JAKMIP2: variants seen among roughly 807,000 people sequenced by gnomAD.
JAKMIP2 encodes janus kinase and microtubule-interacting protein 2.
Under a neutral mutation model 115.0 loss-of-function variants are expected in JAKMIP2, and 25 were observed. That is an observed-to-expected ratio of 0.22 (90% CI 0.16 to 0.30). JAKMIP2 has a LOEUF of 0.30. Ranked by LOEUF, JAKMIP2 falls within the 10% of genes least tolerant of loss-of-function variation. The pLI is 1.00. For missense variants in JAKMIP2, 642 were observed against 957.6 expected (o/e 0.67, Z 4.35); for synonymous variants, 334 against 343.6 (o/e 0.97, Z 0.31).
chr5:147,708,500 A>G (rs537091704), intron 1 of JAKMIP2, among the ~76,000 whole-genome samples: 1 of 152,328 alleles, frequency 6.6e-6, no homozygotes, highest in Non-Finnish European at 1.5e-5. Context: ...TTGGAATTAT[A>G]ATTACCAACA....
chr5:147,609,933 T>C (rs1199855372), intron 20 of JAKMIP2, among the ~76,000 whole-genome samples: 1 of 152,226 alleles, frequency 6.6e-6, no homozygotes, highest in Non-Finnish European at 1.5e-5. Context: ...TTTCATTAAG[T>C]TGATCAATCT....
intron 1 of JAKMIP2, among the ~76,000 whole-genome samples, chr5:147,685,550 C>T (rs1297612437): frequency 6.6e-6 from 1 of 152,172 alleles, no homozygotes; most frequent in African/African-American, 2.4e-5. Context: ...ATAAGCCCAA[C>T]TGTACCAGAA....
At chr5:147,666,781 G>A (rs1339536923) in intron 2 of JAKMIP2, among the ~76,000 whole-genome samples, 1 of 152,148 alleles carries the variant, frequency 6.6e-6, no homozygotes, top group Non-Finnish European at 1.5e-5. Flanking sequence ...TCTGAAAACT[G>A]GGATTGTCGA....
intron 3 of JAKMIP2, among the ~76,000 whole-genome samples, chr5:147,653,552 T>C (rs1758519133): frequency 1.3e-5 from 2 of 150,716 alleles, no homozygotes. Context: ...CACTTTTTGG[T>C]GGAGTTGTTT....
At chr5:147,700,547 C>A (rs1261960554) in intron 1 of JAKMIP2, among the ~76,000 whole-genome samples, 13 of 152,134 alleles carry the variant, frequency 8.5e-5, no homozygotes, top group Non-Finnish European at 1.9e-4. Context: ...GACAAGTATA[C>A]TAATATTTGA....
chr5:147,744,443 C>A (rs1037383774), intron 1 of JAKMIP2, among the ~76,000 whole-genome samples: 2 of 152,114 alleles, frequency 1.3e-5, no homozygotes, highest in Non-Finnish European at 2.9e-5. Flanking sequence ...AAGGCTTAGG[C>A]CACTTCTATT....
chr5:147,668,187 G>C (rs1053496610), intron 2 of JAKMIP2, among the ~76,000 whole-genome samples: 1 of 152,156 alleles, frequency 6.6e-6, no homozygotes, highest in African/African-American at 2.4e-5. Flanking sequence ...ACCCAGGCCT[G>C]TTGCCCTTCT....
At chr5:147,690,846 C>T (rs1294592195) in intron 1 of JAKMIP2, among the ~76,000 whole-genome samples, 1 of 151,932 alleles carries the variant, frequency 6.6e-6, no homozygotes, top group African/African-American at 2.4e-5. Flanking sequence ...ACAACTCTGA[C>T]AAATTATATA....
At chr5:147,730,648 G>T (rs889751422) in intron 1 of JAKMIP2, among the ~76,000 whole-genome samples, 1 of 152,046 alleles carries the variant, frequency 6.6e-6, no homozygotes, top group Non-Finnish European at 1.5e-5. Flanking sequence ...TAGAGACAGG[G>T]TTTCACTATG....
intron 20 of JAKMIP2, among the ~76,000 whole-genome samples, chr5:147,611,634 A>G (rs1756332817): frequency 6.6e-6 from 1 of 152,160 alleles, no homozygotes; most frequent in Non-Finnish European, 1.5e-5. Flanking sequence ...CTATTCAGCC[A>G]TCTTGCTCGG....
At chr5:147,666,949 T>C (rs1228278714) in intron 2 of JAKMIP2, among the ~76,000 whole-genome samples, 2 of 152,120 alleles carry the variant, frequency 1.3e-5, no homozygotes, top group East Asian at 1.9e-4. Context: ...TATTATACAC[T>C]ATTACATTAA....
At chr5:147,643,890 G>A (rs537291663) in intron 7 of JAKMIP2, among the ~76,000 whole-genome samples, 168 bp downstream of exon 7, 2 of 152,180 alleles carry the variant, frequency 1.3e-5, no homozygotes, top group Non-Finnish European at 2.9e-5. Context: ...GTGTAAAGCA[G>A]TTGAACAATA....
chr5:147,657,768 A>T (rs533840079), intron 3 of JAKMIP2, among the ~76,000 whole-genome samples: 1 of 150,810 alleles, frequency 6.6e-6, no homozygotes, highest in South Asian at 2.1e-4. Context: ...TCAAATTCTG[A>T]TCTCCTTTCT....
At chr5:147,742,157 T>TATATATATATATATATATATATA (rs1561571114) in intron 1 of JAKMIP2, among the ~76,000 whole-genome samples, 1 of 84,974 alleles carries the variant, frequency 1.2e-5, no homozygotes, top group African/African-American at 6.6e-5. Context: ...ATATATATAT[T>TATATATATATATATATATATATA]TTTTTTACTA....
At chr5:147,613,455 A>G (rs1160887595) in intron 19 of JAKMIP2, among the ~76,000 whole-genome samples, 1 of 152,212 alleles carries the variant, frequency 6.6e-6, no homozygotes, top group Non-Finnish European at 1.5e-5. Context: ...TTAAAAGAGT[A>G]GATCTCAACT....
chr5:147,738,213 T>G (rs1753998537), intron 1 of JAKMIP2, among the ~76,000 whole-genome samples: 1 of 152,112 alleles, frequency 6.6e-6, no homozygotes, highest in Admixed American at 6.5e-5. Context: ...GATACACAAC[T>G]TTAAGCTGCC....
chr5:147,773,959 C>G (rs909746255), intron 1 of JAKMIP2, among the ~76,000 whole-genome samples: 1 of 152,044 alleles, frequency 6.6e-6, no homozygotes, highest in Non-Finnish European at 1.5e-5. Context: ...AAAGCTGAGA[C>G]TTATTTTTCA....
chr5:147,637,171 A>T, intron 10 of JAKMIP2, 123 bp from the exon 11 acceptor site: 1 of 675,954 alleles, frequency 1.5e-6, no homozygotes, highest in Non-Finnish European at 2.6e-6. Context: ...TGACAAAAGA[A>T]TCTTTCTGAT....
chr5:147,641,854 G>T, intron 7 of JAKMIP2, 90 bp from the exon 8 acceptor site: 2 of 1,067,248 alleles, frequency 1.9e-6, no homozygotes, highest in Non-Finnish European at 1.4e-6. Context: ...TTCCCATAAG[G>T]CATTATATTT....
Sources: gnomAD v4.1 joint callset for allele counts (sites outside exome capture counted in the v4.1 genomes callset) on GRCh38, gnomAD v4.1.1 for gene constraint, MANE v1.5 for transcripts, NCBI Gene and HGNC (gene_info 2026-07-23, HGNC 2026-07-21) for gene names.